Variants in CYP4B1 observed in about 807,000 individuals in gnomAD.
The protein encoded by CYP4B1 is cytochrome P450 4B1.
Under a neutral mutation model 54.0 loss-of-function variants are expected in CYP4B1, and 45 were observed. The observed-to-expected ratio is 0.83, with a 90% confidence interval of 0.66 to 1.07. The LOEUF (loss-of-function observed/expected upper bound fraction) is 1.07, where lower values mean the gene tolerates loss of function less well. Among genes scored for constraint, CYP4B1 ranks in the 50% least tolerant of loss-of-function variants. The pLI, the probability that CYP4B1 is intolerant of heterozygous loss-of-function variation, is 0.00. For synonymous variants in CYP4B1, 248 were observed against 247.5 expected (o/e 1.00, Z -0.02); for missense variants, 656 against 655.4 (o/e 1.00, Z -0.01).
chr1:46,818,838 A>G lies in CYP4B1; in HGVS notation c.*24A>G, dbSNP rs1313894220. On this transcript the variant is annotated 3_prime_UTR_variant, in exon 12 of 12. Coordinates refer to ENST00000371923, the MANE Select transcript of CYP4B1 (RefSeq NM_001099772.2). Reference sequence around the variant, plus strand: ...AGCTCTGATGAGAATGGGGTCCCAGATGGCTCAGGCTGTGACCTCCCTGGG... The same window carrying G: ...AGCTCTGATGAGAATGGGGTCCCAGGTGGCTCAGGCTGTGACCTCCCTGGG... 2 of 1,612,496 alleles carry G rather than the reference A, an allele frequency of 1.2e-6. No individual in the cohort carries two copies. Among genetic ancestry groups the G allele is most frequent in the South Asian group, 2.2e-5 (2 of 90,994 alleles).
chr1:46,811,975 G>A (rs993568543), intron 3 of CYP4B1, among the ~76,000 whole-genome samples: 1 of 152,190 alleles, frequency 6.6e-6, no homozygotes, highest in Non-Finnish European at 1.5e-5. Flanking sequence ...AGACAGAAAA[G>A]GGTTAGGAAA....
intron 1 of CYP4B1, among the ~76,000 whole-genome samples, chr1:46,806,052 C>T (rs1678847646): frequency 1.3e-5 from 2 of 152,212 alleles, no homozygotes; most frequent in Admixed American, 1.3e-4. Flanking sequence ...AGGTGTCTTT[C>T]ACTTTAGCGA....
At chr1:46,817,317 C>A in intron 9 of CYP4B1, 136 bp downstream of exon 9, 1 of 982,300 alleles carries the variant, frequency 1.0e-6, no homozygotes, top group Non-Finnish European at 1.5e-6. Context: ...GTCTAAATCC[C>A]AGCCCCACAA....
At position 46,799,121 on chromosome 1, in the gene CYP4B1, G is replaced by C; in HGVS notation, c.40G>C (p.Gly14Arg). 2 of 1,613,976 alleles carry C rather than the reference G, an allele frequency of 1.2e-6. No homozygotes were observed. The highest frequency in any genetic ancestry group is 1.7e-6 in the Non-Finnish European group (2 of 1,179,974). The change falls in exon 1 of 12, where the codon GGC becomes CGC. Residue 14 changes from glycine (G) to arginine (R), a missense_variant. By Grantham distance (125) the Gly-to-Arg change is moderately radical (BLOSUM62 -2). Transcript: ENST00000371923. ...SFLSLSFSSL[G>R]LWASGLILVL... ...CCTCTCCCTGAGCTTCTCCTCCTTG[G>C]GCCTGTGGGCTTCTGGGCTGATCTT...
intron 1 of CYP4B1, among the ~76,000 whole-genome samples, chr1:46,803,976 G>A (rs1678759147): frequency 6.6e-6 from 1 of 151,934 alleles, no homozygotes; most frequent in Non-Finnish European, 1.5e-5. Context: ...GAATCTGGAG[G>A]GTGTCATGCA....
chr1:46,818,592 G>GA (rs1462289836), intron 11 of CYP4B1, 39 bp from the exon 12 acceptor site: 1 of 1,594,546 alleles, frequency 6.3e-7, no homozygotes. Context: ...CACTCTGGAT[G>GA]CTCCATTGCA....
At chr1:46,811,013 C>T in intron 2 of CYP4B1, 64 bp downstream of exon 2, 1 of 1,600,806 alleles carries the variant, frequency 6.2e-7, no homozygotes. Flanking sequence ...GGGCTCAGGG[C>T]ATGATATGGG....
At chr1:46,802,843 G>A (rs972015814) in intron 1 of CYP4B1, among the ~76,000 whole-genome samples, 2 of 152,224 alleles carry the variant, frequency 1.3e-5, no homozygotes, top group Admixed American at 6.5e-5. Context: ...GTCCAGGGAG[G>A]TGATGCTGAG....
intron 1 of CYP4B1, 106 bp downstream of exon 1, chr1:46,799,367 C>CA: frequency 3.8e-6 from 4 of 1,048,244 alleles, no homozygotes; most frequent in Non-Finnish European, 5.5e-6. Flanking sequence ...CAAACTTGGG[C>CA]AGGGGGATGA....
chr1:46,812,422 C>A, intron 3 of CYP4B1, 74 bp from the exon 4 acceptor site: 2 of 1,513,644 alleles, frequency 1.3e-6, no homozygotes, highest in East Asian at 2.3e-5. Context: ...GGGATGGAGT[C>A]GTGTAGGATG....
rs3766199 is a variant in CYP4B1 at position 46,816,104 on chromosome 1, C to A, written c.1073+840C>A. Among the ~76,000 whole-genome samples, 19 of 152,284 alleles carry A rather than the reference C, an allele frequency of 1.2e-4. No homozygotes were observed. In the East Asian group the frequency reaches 3.7e-3, roughly 29 times the overall value. On this transcript the variant is annotated intron_variant, in intron 8 of 11. Coordinates refer to ENST00000371923, the MANE Select transcript of CYP4B1 (RefSeq NM_001099772.2). Reference sequence around the variant, plus strand: ...TTCTGTTGGTCATATGTGAGAATCCCCCCCCCACGGGGTATCCAGACACAT... The same window carrying A: ...TTCTGTTGGTCATATGTGAGAATCCACCCCCCACGGGGTATCCAGACACAT...
chr1:46,813,492 A>G lies in CYP4B1; in HGVS notation c.506A>G (p.Glu169Gly), dbSNP rs145508204. 38 of 1,614,148 alleles carry G rather than the reference A, an allele frequency of 2.4e-5. No homozygotes were observed. In the African/African-American group the frequency reaches 4.0e-4, roughly 17 times the overall value. The change falls in exon 5 of 12, where the codon GAA becomes GGA. Residue 169 changes from glutamate (E) to glycine (G), a missense_variant. Glu to Gly is a moderately conservative substitution (Grantham distance 98, BLOSUM62 -2). Coordinates refer to ENST00000371923, the MANE Select transcript of CYP4B1 (RefSeq NM_001099772.2). ...ATCCCTGGACTCCAGGACAAGTGGGAAGAGAAAGCTCGGGAGGGTAAGTCC... is the reference window on the plus strand; with the variant it reads ...ATCCCTGGACTCCAGGACAAGTGGGGAGAGAAAGCTCGGGAGGGTAAGTCC... ...ESTRIMLDKWEEKAREGKSFD... is the reference protein window; with the variant it reads ...ESTRIMLDKWGEKAREGKSFD...
Position 46,810,812 on chromosome 1 carries a change from A to G in CYP4B1, c.185A>G (p.Gln62Arg). 2.5e-6 allele frequency: 4 copies of G among 1,614,152 alleles called. No homozygotes were observed. Among genetic ancestry groups the G allele is most frequent in the Non-Finnish European group, 3.4e-6 (4 of 1,180,022 alleles). The change falls in exon 2 of 12, where the codon CAG (glutamine) becomes CGG (arginine). Residue 62 changes from glutamine to arginine, a missense_variant. Coordinates refer to ENST00000371923, the MANE Select transcript of CYP4B1 (RefSeq NM_001099772.2). ...HWLFGHALEI[Q>R]ETGSLDKVVS... ...GGCCTTCTGTCATCATTTCAGATCC[A>G]GGAGACGGGGAGCCTGGACAAAGTG...
At chr1:46,803,097 A>G (rs1553130644) in intron 1 of CYP4B1, among the ~76,000 whole-genome samples, 1 of 152,222 alleles carries the variant, frequency 6.6e-6, no homozygotes, top group Non-Finnish European at 1.5e-5. Context: ...CAGATCCTTG[A>G]GGCCAGGTCA....
intron 7 of CYP4B1, 95 bp from the exon 8 acceptor site, chr1:46,814,979 C>G: frequency 8.8e-7 from 1 of 1,132,984 alleles, no homozygotes; most frequent in Admixed American, 1.9e-5. Flanking sequence ...TTCACTCCCT[C>G]CCAGAGACCT....
chr1:46,799,406 C>G, intron 1 of CYP4B1, 145 bp downstream of exon 1: 1 of 787,138 alleles, frequency 1.3e-6, no homozygotes, highest in Non-Finnish European at 2.0e-6. Flanking sequence ...TTCCATTCAG[C>G]TTTCCCACCG....
In CYP4B1 at chr1:46,814,251, A is replaced by G; in HGVS notation, c.818A>G (p.Lys273Arg). 6.2e-7 allele frequency: 1 copy of G among 1,614,148 alleles called. No homozygotes were observed. The highest frequency in any genetic ancestry group is 8.5e-7 in the Non-Finnish European group (1 of 1,180,012). Residue 273 changes from lysine to arginine, a missense_variant, in exon 7 of 12, where the codon AAG becomes AGG. Lys to Arg is a conservative substitution (Grantham distance 26). Coordinates refer to ENST00000371923, the MANE Select transcript of CYP4B1 (RefSeq NM_001099772.2). Reference sequence around the variant, plus strand: ...CGGAAGGCAGCCCTGCAGGATGAGAAGGTGCGGAAGAAGATCCAGAACCGG... The same window carrying G: ...CGGAAGGCAGCCCTGCAGGATGAGAGGGTGCGGAAGAAGATCCAGAACCGG... ...RERKAALQDEKVRKKIQNRRH... is the reference protein window; with the variant it reads ...RERKAALQDERVRKKIQNRRH...
chr1:46,814,699 G>C, intron 7 of CYP4B1: 1 of 340,544 alleles, frequency 2.9e-6, no homozygotes, highest in South Asian at 4.0e-5. Flanking sequence ...TCCGTGCTAG[G>C]ATGCAGAGAT....
chr1:46,818,882 G>T lies in CYP4B1; in HGVS notation c.*68G>T. Reference sequence around the variant, plus strand: ...CCCTGGGCACCACCCTCCCCAGGCTGGGTGTGGAGGAGTTGGGGCCCCCTG... The same window carrying T: ...CCCTGGGCACCACCCTCCCCAGGCTTGGTGTGGAGGAGTTGGGGCCCCCTG... On this transcript the variant is annotated 3_prime_UTR_variant, in exon 12 of 12. Transcript: ENST00000371923. The T allele has an allele frequency of 6.5e-7, 1 of 1,545,630 alleles. No individual in the cohort carries two copies. The highest frequency in any genetic ancestry group is 1.4e-5 in the African/African-American group (1 of 73,428).
Sources: allele counts gnomAD v4.1 joint callset (sites outside exome capture counted in the v4.1 genomes callset), GRCh38; gene constraint gnomAD v4.1.1; transcripts MANE v1.5; gene names NCBI Gene and HGNC (gene_info 2026-07-23, HGNC 2026-07-21).